Variants in ARL6 observed in about 807,000 individuals in gnomAD.
ARL6 encodes the protein ARF like GTPase 6.
In ARL6, 18 loss-of-function variants were observed where a neutral mutation model predicts 27.1. The ratio of observed to expected loss-of-function variants is 0.66; its 90% CI spans 0.46 to 0.98. ARL6 has a LOEUF of 0.98. Among genes scored for constraint, ARL6 ranks in the 50% least tolerant of loss-of-function variants. The pLI is 0.00. For missense variants in ARL6, 187 were observed against 214.9 expected, an observed-to-expected ratio of 0.87 and a Z score of 0.81; for synonymous variants, 65 against 72.3, an observed-to-expected ratio of 0.90 and a Z score of 0.51.
At chr3:97,779,455 A>G (rs2037072952) in intron 2 of ARL6, among the ~76,000 whole-genome samples, 1 of 152,012 alleles carries the variant, frequency 6.6e-6, no homozygotes, top group African/African-American at 2.4e-5. Context: ...TTTTGCACTT[A>G]TCTCTGCTCA....
intron 2 of ARL6, among the ~76,000 whole-genome samples, chr3:97,778,927 TA>T (rs1053658484): frequency 9.2e-5 from 14 of 151,360 alleles, no homozygotes; most frequent in African/African-American, 2.7e-4. Flanking sequence ...ATAAAGAATG[TA>T]AAAAAAAGGG....
At chr3:97,765,250 G>T (rs1344435177) in intron 1 of ARL6, among the ~76,000 whole-genome samples, 2 of 144,964 alleles carry the variant, frequency 1.4e-5, no homozygotes, top group African/African-American at 2.7e-5. Context: ...GTGTGTGTGT[G>T]TAAGTGTAAT....
intron 7 of ARL6, among the ~76,000 whole-genome samples, chr3:97,795,804 CAG>C (rs1443424587): frequency 1.3e-5 from 2 of 152,158 alleles, no homozygotes; most frequent in Non-Finnish European, 2.9e-5. Context: ...GAGTCAAAGA[CAG>C]TGTCTCTGGA....
intron 1 of ARL6, among the ~76,000 whole-genome samples, chr3:97,766,911 C>CT (rs914444050): frequency 7.9e-5 from 12 of 152,282 alleles, no homozygotes; most frequent in African/African-American, 2.9e-4. Context: ...ATCTATCTCC[C>CT]TGTCCTTCTA....
At chr3:97,793,562 G>A (rs1445614815) in intron 7 of ARL6, among the ~76,000 whole-genome samples, 1 of 151,922 alleles carries the variant, frequency 6.6e-6, no homozygotes, top group African/African-American at 2.4e-5. Context: ...TTAAAGTGTG[G>A]TTCTCCATCC....
intron 7 of ARL6, among the ~76,000 whole-genome samples, chr3:97,794,915 TATTGTGACTA>T (rs1287615334): frequency 6.6e-6 from 1 of 152,012 alleles, no homozygotes; most frequent in Non-Finnish European, 1.5e-5. Context: ...AGTGAAACAC[TATTGTGACTA>T]AAAATACAGA....
In ARL6 at chr3:97,801,080, C is replaced by A. The variant is rs528944113; in HGVS notation, c.*3031C>A. ...ATTCATCTTGCTTATAACTCTGGTG[C>A]ATGTGCATTAAAATACTATTGCATT... On this transcript the variant is annotated 3_prime_UTR_variant, in exon 8 of 8. Transcript: ENST00000463745. 1.3e-5 allele frequency: 2 copies of A among 152,292 alleles called. No individual in the cohort carries two copies. Among genetic ancestry groups the A allele is most frequent in the East Asian group, 3.9e-4 (2 of 5,182 alleles). The allele number at this position is 152,292 out of a possible 1,614,324, so 9.4% of individuals were successfully genotyped here. A position where few individuals can be genotyped will look rare whatever the true frequency, so the allele number is the denominator to read the frequency against.
rs1313648286 is a variant in ARL6, at chr3:97,784,977, G to C, written c.277G>C (p.Val93Leu). ...CAGAGAAGGCCAAGCTATTATTTTT[G>C]TCATTGATAGTAGTGATAGATTAAG... is the stretch of plus-strand genomic sequence containing the variant. ...YYKEGQAIIF[V>L]IDSSDRLRMV... Residue 93 changes from valine to leucine, a missense_variant, in exon 5 of 8, where the codon GTC (valine) becomes CTC (leucine). By Grantham distance (32) the Val-to-Leu change is conservative. Coordinates refer to ENST00000463745, the MANE Select transcript of ARL6 (RefSeq NM_001278293.3). The C allele has an allele frequency of 1.9e-6, 3 of 1,611,950 alleles. No individual in the cohort carries two copies. The highest frequency in any genetic ancestry group is 1.3e-5 in the African/African-American group (1 of 74,780).
At chr3:97,789,202 A>C (rs2037606464) in intron 6 of ARL6, among the ~76,000 whole-genome samples, 1 of 152,066 alleles carries the variant, frequency 6.6e-6, no homozygotes, top group Admixed American at 6.6e-5. Context: ...AACCTTCCTT[A>C]CTCTAGGATC....
At chr3:97,783,700 G>A (rs75941043) in intron 4 of ARL6, among the ~76,000 whole-genome samples, 5,855 of 151,646 alleles carry the variant, frequency 0.039, 207 homozygotes, top group African/African-American at 0.095. Context: ...TATATAAAAA[G>A]TTTTATTTTG....
At chr3:97,797,509 T>G (rs562805541) in intron 7 of ARL6, among the ~76,000 whole-genome samples, 1 of 152,098 alleles carries the variant, frequency 6.6e-6, no homozygotes, top group East Asian at 1.9e-4. Flanking sequence ...AGGAGCAGCA[T>G]GGGAGTGTGA....
In ARL6 at chr3:97,798,479, T is replaced by C; in HGVS notation, c.*430T>C. The stretch of plus-strand genomic sequence containing the variant: ...TTTATAAGGGACCATGGGTAATTAA[T>C]ATATATTCAATTTTTACTATGTGTC... On this transcript the variant is annotated 3_prime_UTR_variant, in exon 8 of 8. Coordinates refer to ENST00000463745, the MANE Select transcript of ARL6 (RefSeq NM_001278293.3). 6.5e-6 allele frequency: 1 copy of C among 153,962 alleles called. No homozygotes were observed. The highest frequency in any genetic ancestry group is 1.9e-4 in the East Asian group (1 of 5,260). The allele number at this position is 153,962 out of a possible 1,614,324, so 9.5% of individuals were successfully genotyped here.
Position 97,792,964 on chromosome 3 carries a change from AT to A in ARL6, c.535+1149del, listed in dbSNP as rs201221805. ...AACCTTTTAATGCCAGTTGTGTGTG[AT>A]TTTTTTTTTTAAATCTTCTGCATGT... On this transcript the variant is annotated intron_variant, in intron 7 of 7. Coordinates refer to ENST00000463745, the MANE Select transcript of ARL6 (RefSeq NM_001278293.3). 8.2e-4 allele frequency among the ~76,000 whole-genome samples: 123 copies of A among 149,534 alleles called. 1 individual carries two copies. Among genetic ancestry groups the A allele is most frequent in the African/African-American group, 2.1e-3 (87 of 40,950 alleles).
At chr3:97,773,778 CT>C (rs1269299363) in intron 2 of ARL6, among the ~76,000 whole-genome samples, 2 of 152,194 alleles carry the variant, frequency 1.3e-5, no homozygotes, top group African/African-American at 4.8e-5. Context: ...CAGTTACAGT[CT>C]TTGTTTCTGT....
chr3:97,798,149 T>C lies in ARL6; in HGVS notation c.*100T>C. 8 of 1,246,486 alleles carry C rather than the reference T, an allele frequency of 6.4e-6. No individual in the cohort carries two copies. The highest frequency in any genetic ancestry group is 7.0e-6 in the Non-Finnish European group (6 of 854,046). 77.2% of individuals were successfully genotyped at this position (1,246,486 alleles called of 1,614,324 possible). ...AAAGATGTTTATGCATCAAAAAATA[T>C]AATTTTCTGCTTGCATTTATGGACT... is the stretch of plus-strand genomic sequence containing the variant. On this transcript the variant is annotated 3_prime_UTR_variant, in exon 8 of 8. Coordinates refer to ENST00000463745, the MANE Select transcript of ARL6 (RefSeq NM_001278293.3).
In ARL6 at chr3:97,799,627, T is replaced by G. The variant is rs1451082134; in HGVS notation, c.*1578T>G. ...ACTTACCATAAGGTAGTAATAAAAT[T>G]AATAATAGTTACTACTATATGATCA... On this transcript the variant is annotated 3_prime_UTR_variant, in exon 8 of 8. Transcript: ENST00000463745. The G allele has an allele frequency of 2.0e-5, 3 of 152,098 alleles. No individual in the cohort carries two copies. The highest frequency in any genetic ancestry group is 4.4e-5 in the Non-Finnish European group (3 of 67,964). The allele number at this position is 152,098 out of a possible 1,614,324, so 9.4% of individuals were successfully genotyped here.
At chr3:97,779,473 G>T (rs1273130922) in intron 2 of ARL6, among the ~76,000 whole-genome samples, 1 of 152,044 alleles carries the variant, frequency 6.6e-6, no homozygotes, top group East Asian at 1.9e-4. Flanking sequence ...TCAAAATTGT[G>T]TTCTATTTAC....
chr3:97,782,188 G>C (rs909432918), intron 4 of ARL6, among the ~76,000 whole-genome samples: 6 of 152,016 alleles, frequency 3.9e-5, no homozygotes, highest in African/African-American at 1.4e-4. Context: ...TAGGAAACCT[G>C]AGTTTTCAGT....
At chr3:97,772,629 T>A (rs2036692190) in intron 2 of ARL6, among the ~76,000 whole-genome samples, 3 of 150,478 alleles carry the variant, frequency 2.0e-5, no homozygotes, top group Non-Finnish European at 3.0e-5. Context: ...CTTTTTTTTT[T>A]TTTTTTTTTG....
Sources: allele counts gnomAD v4.1 joint callset (sites outside exome capture counted in the v4.1 genomes callset), GRCh38; gene constraint gnomAD v4.1.1; transcripts MANE v1.5; gene names NCBI Gene and HGNC (gene_info 2026-07-23, HGNC 2026-07-21).